The following NRXN3 variants were observed in gnomAD, a reference collection of about 807,000 sequenced individuals.
NRXN3 encodes neurexin 3, also known as neurexin III.
Under a neutral mutation model 137.6 loss-of-function variants are expected in NRXN3, and 32 were observed. That is an observed-to-expected ratio of 0.23 (90% CI 0.18 to 0.31). NRXN3 has a LOEUF of 0.31. NRXN3 is among the 10% of genes least tolerant of loss of function. The pLI is 1.00. For missense variants in NRXN3, 1,574 were observed against 2,062.5 expected (o/e 0.76, Z 4.59); for synonymous variants, 798 against 784.5 (o/e 1.02, Z -0.29).
At chr14:78,751,949 A>T (rs2152953813) in intron 8 of NRXN3, among the ~76,000 whole-genome samples, 1 of 152,338 alleles carries the variant, frequency 6.6e-6, no homozygotes, top group East Asian at 1.9e-4. Flanking sequence ...AGAGGAGTGG[A>T]TCCCAGGATG....
intron 15 of NRXN3, among the ~76,000 whole-genome samples, chr14:79,134,208 C>T (rs2057975702): frequency 6.6e-6 from 1 of 152,090 alleles, no homozygotes; most frequent in African/African-American, 2.4e-5. Context: ...GGAGGACAGC[C>T]ACCTATTCTC....
chr14:78,720,907 C>T (rs185189407), intron 8 of NRXN3, among the ~76,000 whole-genome samples: 80 of 152,270 alleles, frequency 5.3e-4, no homozygotes, highest in Non-Finnish European at 6.2e-4. Context: ...CATAGAGATT[C>T]CATAAACAGG....
At chr14:78,972,113 A>G (rs1000627757) in intron 14 of NRXN3, among the ~76,000 whole-genome samples, 5 of 152,172 alleles carry the variant, frequency 3.3e-5, no homozygotes, top group African/African-American at 1.2e-4. Flanking sequence ...TAGGGTTTTA[A>G]AAAAAATCAT....
chr14:78,644,430 G>A (rs1363370215), intron 4 of NRXN3, among the ~76,000 whole-genome samples: 1 of 152,132 alleles, frequency 6.6e-6, no homozygotes, highest in African/African-American at 2.4e-5. Flanking sequence ...TCCAACCAGG[G>A]TCTTCAAAAC....
intron 4 of NRXN3, among the ~76,000 whole-genome samples, chr14:78,459,025 C>T (rs573578807): frequency 2.0e-5 from 3 of 152,342 alleles, no homozygotes. Flanking sequence ...TTGGACTCTA[C>T]TCCCAGCCCA....
At chr14:79,628,907 C>G (rs761212347) in intron 16 of NRXN3, among the ~76,000 whole-genome samples, 2 of 152,086 alleles carry the variant, frequency 1.3e-5, no homozygotes, top group Non-Finnish European at 2.9e-5. Context: ...TGTACTAAAG[C>G]CAAAGGAAGG....
At chr14:78,739,355 T>C (rs1041630044) in intron 8 of NRXN3, among the ~76,000 whole-genome samples, 1 of 152,216 alleles carries the variant, frequency 6.6e-6, no homozygotes, top group Non-Finnish European at 1.5e-5. Flanking sequence ...ATGGTTACAA[T>C]ATGGTTCCCA....
At chr14:78,926,659 T>TTATATATAATATATA (rs2099293619) in intron 10 of NRXN3, among the ~76,000 whole-genome samples, 9 of 78,904 alleles carry the variant, frequency 1.1e-4, no homozygotes, top group Non-Finnish European at 2.4e-4. Context: ...ATATATATAT[T>TTATATATAATATATA]TATTATATAT....
chr14:79,828,104 T>C (rs1164585153), intron 20 of NRXN3, among the ~76,000 whole-genome samples: 2 of 152,112 alleles, frequency 1.3e-5, no homozygotes, highest in African/African-American at 4.8e-5. Context: ...ACCTCCAGCT[T>C]TGGGGATTAC....
At chr14:79,031,912 C>T (rs1210273343) in intron 15 of NRXN3, among the ~76,000 whole-genome samples, 3 of 152,096 alleles carry the variant, frequency 2.0e-5, no homozygotes, top group Non-Finnish European at 2.9e-5. Context: ...GCTGAGACTG[C>T]AGAGGTTTGT....
chr14:78,779,905 C>T (rs7150361), intron 8 of NRXN3, among the ~76,000 whole-genome samples: 57,848 of 152,062 alleles, frequency 0.38, 16,437 homozygotes, highest in African/African-American at 0.8. Context: ...TATAAATCCA[C>T]ACATTTCCAC....
At chr14:79,167,302 G>A (rs2061371231) in intron 15 of NRXN3, among the ~76,000 whole-genome samples, 1 of 152,046 alleles carries the variant, frequency 6.6e-6, no homozygotes. Context: ...CCACTTACAT[G>A]TTATGGATGG....
intron 15 of NRXN3, among the ~76,000 whole-genome samples, chr14:79,133,039 C>T (rs866082784): frequency 3.1e-4 from 47 of 152,342 alleles, no homozygotes; most frequent in African/African-American, 1.1e-3. Flanking sequence ...AAGGCGCTGG[C>T]AGCTGAAGGC....
At chr14:79,076,829 C>A (rs370258660) in intron 15 of NRXN3, among the ~76,000 whole-genome samples, 2 of 152,040 alleles carry the variant, frequency 1.3e-5, no homozygotes, top group Admixed American at 6.5e-5. Flanking sequence ...GCTGAGATGG[C>A]GTGTAAAAAG....
chr14:79,511,797 A>T (rs2096935016), intron 16 of NRXN3, among the ~76,000 whole-genome samples: 2 of 152,236 alleles, frequency 1.3e-5, no homozygotes, highest in African/African-American at 4.8e-5. Flanking sequence ...TCAAGCTCAG[A>T]ACAAATAAGT....
At chr14:78,513,692 T>C (rs867595135) in intron 4 of NRXN3, among the ~76,000 whole-genome samples, 11 of 152,298 alleles carry the variant, frequency 7.2e-5, no homozygotes, top group Middle Eastern at 3.4e-3. Flanking sequence ...ATTTGTTGGA[T>C]TGAAATATTT....
intron 19 of NRXN3, among the ~76,000 whole-genome samples, chr14:79,710,932 C>T (rs146252522): frequency 2.6e-5 from 4 of 152,168 alleles, no homozygotes; most frequent in Non-Finnish European, 5.9e-5. Context: ...AGACTACAAG[C>T]GGACTCACTT....
chr14:79,730,216 A>G (rs1427096188), intron 19 of NRXN3, among the ~76,000 whole-genome samples: 19 of 152,132 alleles, frequency 1.2e-4, no homozygotes, highest in Admixed American at 1.2e-3. Context: ...ACAGCATCCC[A>G]CTTTGTGCCA....
At chr14:79,684,553 A>C (rs1360059546) in intron 17 of NRXN3, among the ~76,000 whole-genome samples, 2 of 152,178 alleles carry the variant, frequency 1.3e-5, no homozygotes, top group African/African-American at 4.8e-5. Context: ...TTACTATGTC[A>C]TAAGTTTCTT....
Sources: allele counts gnomAD v4.1 joint callset (sites outside exome capture counted in the v4.1 genomes callset), GRCh38; gene constraint gnomAD v4.1.1; transcripts MANE v1.5; gene names NCBI Gene and HGNC (gene_info 2026-07-23, HGNC 2026-07-21).